RABL3: variants seen among roughly 807,000 people sequenced by gnomAD.
The protein encoded by RABL3 is RAB, member of RAS oncogene family like 3.
In RABL3, 31 loss-of-function variants were observed where a neutral mutation model predicts 31.8. The observed-to-expected ratio is 0.97, with a 90% CI of 0.73 to 1.31. The LOEUF is 1.31. RABL3 is among the 40% of genes most tolerant of loss of function. RABL3 has a pLI of 0.00. For missense variants in RABL3, 263 were observed against 279.6 expected (o/e 0.94, Z 0.42); for synonymous variants, 97 against 99.9 (o/e 0.97, Z 0.18).
At chr3:120,691,673 G>A (rs571794961) in intron 6 of RABL3, among the ~76,000 whole-genome samples, 84 of 152,322 alleles carry the variant, frequency 5.5e-4, no homozygotes, top group African/African-American at 2.0e-3. Flanking sequence ...CCTATCGCAA[G>A]TTGAGGAATA....
chr3:120,729,691 G>A (rs913817847), intron 2 of RABL3, among the ~76,000 whole-genome samples: 2 of 152,068 alleles, frequency 1.3e-5, no homozygotes, highest in Non-Finnish European at 2.9e-5. Flanking sequence ...ATATTAAAAA[G>A]CAGATTAGAT....
At chr3:120,699,947 T>C (rs1215365768) in intron 4 of RABL3, among the ~76,000 whole-genome samples, 2 of 152,184 alleles carry the variant, frequency 1.3e-5, no homozygotes, top group Non-Finnish European at 2.9e-5. Flanking sequence ...TTAGGACTGT[T>C]TCCTTCTGTC....
intron 2 of RABL3, among the ~76,000 whole-genome samples, chr3:120,726,002 G>C (rs1023536593): frequency 6.6e-6 from 1 of 151,874 alleles, no homozygotes; most frequent in Non-Finnish European, 1.5e-5. Context: ...TTTTTTTATG[G>C]AGGCGGGGGT....
In RABL3 at chr3:120,688,016, C is replaced by CA. The variant is rs1344695791; in HGVS notation, c.*1806dup. On this transcript the variant is annotated 3_prime_UTR_variant, in exon 8 of 8. Transcript: ENST00000273375. ...TTCCCTATGTTGGCCAGGCTGGTCT[C>CA]AAACTCCTGATATCAAGTGATCGAC... The CA allele has an allele frequency of 1.3e-5, 2 of 152,028 alleles. No individual in the cohort carries two copies. Among genetic ancestry groups the CA allele is most frequent in the Non-Finnish European group, 2.9e-5 (2 of 68,024 alleles). The allele number at this position is 152,028 out of a possible 1,614,324, so 9.4% of individuals were successfully genotyped here. A position where few individuals can be genotyped will look rare whatever the true frequency, so the allele number is the denominator to read the frequency against.
intron 2 of RABL3, among the ~76,000 whole-genome samples, chr3:120,719,124 AG>A (rs1559818504): frequency 1.3e-5 from 2 of 152,390 alleles, no homozygotes; most frequent in East Asian, 3.9e-4. Flanking sequence ...ACACATATTT[AG>A]AACACTGCAC....
rs1388588884 is a variant in RABL3 at position 120,689,870 on chromosome 3, G to A, written c.664C>T (p.Arg222Trp). The change falls in exon 8 of 8, where the codon CGG becomes TGG. Residue 222 changes from arginine (R) to tryptophan (W), a missense_variant. By Grantham distance (101) the Arg-to-Trp change is moderately radical. Coordinates refer to ENST00000273375, the MANE Select transcript of RABL3 (RefSeq NM_173825.5). ...AATGTTCCTGCCCCAAATCTTTTCC[G>A]ATCAGGAAAGCCTGGAATCTGTAGG... ...EGNQIPGFPD[R>W]KRFGAGTLKS... The A allele has an allele frequency of 1.9e-6, 3 of 1,612,486 alleles. No individual in the cohort carries two copies. Among genetic ancestry groups the A allele is most frequent in the East Asian group, 2.2e-5 (1 of 44,842 alleles).
chr3:120,735,090 C>T (rs892594061), intron 1 of RABL3, among the ~76,000 whole-genome samples: 19 of 152,098 alleles, frequency 1.2e-4, no homozygotes, highest in African/African-American at 3.4e-4. Flanking sequence ...CCTCTTTTTC[C>T]GTTGATTGGA....
chr3:120,733,434 A>G lies in RABL3; in HGVS notation c.47-2647T>C, dbSNP rs573776815. On this transcript the variant is annotated intron_variant, in intron 1 of 7. Coordinates refer to ENST00000273375, the MANE Select transcript of RABL3 (RefSeq NM_173825.5). ...TGTTTTTTTCTTGTAAATTTGTTGG[A>G]GTTCATTGTAGATTCTGGATATTAG... Among the ~76,000 whole-genome samples the G allele has an allele frequency of 3.7e-4, 56 of 151,832 alleles. No individual in the cohort carries two copies. In the South Asian group the frequency reaches 6.5e-3, roughly 18 times the overall value.
At chr3:120,698,044 A>G (rs1190428211) in intron 5 of RABL3, among the ~76,000 whole-genome samples, 4 of 152,160 alleles carry the variant, frequency 2.6e-5, no homozygotes, top group Admixed American at 1.3e-4. Context: ...CATGCCTGTA[A>G]TCCCAGCTAC....
intron 2 of RABL3, among the ~76,000 whole-genome samples, chr3:120,725,615 C>A (rs996389859): frequency 1.3e-5 from 2 of 152,096 alleles, no homozygotes; most frequent in African/African-American, 2.4e-5. Flanking sequence ...TACTATGTAG[C>A]CACAAAAAAT....
At chr3:120,693,099 AC>A (rs575701595) in intron 6 of RABL3, among the ~76,000 whole-genome samples, 7 of 150,026 alleles carry the variant, frequency 4.7e-5, no homozygotes, top group Non-Finnish European at 7.4e-5. Context: ...CAATCACCCA[AC>A]CCCCCCACCC....
rs772645584 is a variant in RABL3 at position 120,690,491 on chromosome 3, T to C, written c.607-4A>G. ...AAAAGTATCTCTTCTCTATGACCTG[T>C]GAAAAACAAAGATTTTAAAGGCTTA... On this transcript the variant is annotated splice_polypyrimidine_tract_variant and splice_region_variant and intron_variant, in intron 6 of 7. Transcript: ENST00000273375. The C allele has an allele frequency of 5.0e-6, 8 of 1,603,196 alleles. No homozygotes were observed. The Admixed American group carries it at 1.3e-4, about 27-fold the overall frequency.
At chr3:120,732,429 T>A (rs1361661224) in intron 1 of RABL3, among the ~76,000 whole-genome samples, 1 of 152,220 alleles carries the variant, frequency 6.6e-6, no homozygotes, top group East Asian at 1.9e-4. Flanking sequence ...ATTTATAGGT[T>A]TTATTAACTT....
At chr3:120,735,592 G>T (rs1292726102) in intron 1 of RABL3, among the ~76,000 whole-genome samples, 1 of 152,032 alleles carries the variant, frequency 6.6e-6, no homozygotes, top group Non-Finnish European at 1.5e-5. Flanking sequence ...GCTAGCTTTT[G>T]AATGTGTTTG....
intron 1 of RABL3, among the ~76,000 whole-genome samples, chr3:120,735,769 A>T (rs1377079138): frequency 6.6e-6 from 1 of 152,200 alleles, no homozygotes; most frequent in Non-Finnish European, 1.5e-5. Context: ...GGTTTCAAAG[A>T]ACATCTTCAT....
intron 2 of RABL3, chr3:120,722,195 G>T (rs1321958119): frequency 2.6e-5 from 4 of 152,002 alleles, no homozygotes; most frequent in Non-Finnish European, 5.9e-5. Context: ...CATAACCTGA[G>T]AGGCCTTTGC....
intron 3 of RABL3, among the ~76,000 whole-genome samples, chr3:120,707,904 G>A (rs779427616): frequency 6.6e-6 from 1 of 152,060 alleles, no homozygotes; most frequent in Admixed American, 6.6e-5. Context: ...AGGTGGGGCT[G>A]AGATGAAAGG....
chr3:120,705,332 CAAAT>C (rs1267786484), intron 4 of RABL3, among the ~76,000 whole-genome samples: 2 of 152,050 alleles, frequency 1.3e-5, no homozygotes, highest in Admixed American at 6.6e-5. Context: ...TGTGGAAAAA[CAAAT>C]AAACTATAAT....
chr3:120,703,654 T>C (rs560906141), intron 4 of RABL3, among the ~76,000 whole-genome samples: 1 of 151,944 alleles, frequency 6.6e-6, no homozygotes, highest in East Asian at 1.9e-4. Flanking sequence ...ATCAATACAA[T>C]TGATAAACCT....
Sources: allele counts gnomAD v4.1 joint callset (sites outside exome capture counted in the v4.1 genomes callset), GRCh38; gene constraint gnomAD v4.1.1; transcripts MANE v1.5; gene names NCBI Gene and HGNC (gene_info 2026-07-23, HGNC 2026-07-21).